DPYSL3: variants seen among roughly 807,000 people sequenced by gnomAD.
DPYSL3 encodes dihydropyrimidinase-related protein 3.
A neutral mutation model predicts 66.1 loss-of-function variants in DPYSL3; 16 were observed. The observed-to-expected ratio is 0.24, with a 90% confidence interval of 0.16 to 0.37. The LOEUF is 0.37. Ranked by LOEUF, DPYSL3 falls within the 10% of genes least tolerant of loss-of-function variation. The pLI is 1.00. For synonymous variants in DPYSL3, 338 were observed against 345.1 expected, an observed-to-expected ratio of 0.98 and a Z score of 0.23; for missense variants, 738 against 916.2, an observed-to-expected ratio of 0.81 and a Z score of 2.51.
At chr5:147,471,156 A>T (rs1289442826) in intron 1 of DPYSL3, among the ~76,000 whole-genome samples, 1 of 152,196 alleles carries the variant, frequency 6.6e-6, no homozygotes, top group Non-Finnish European at 1.5e-5. Context: ...CAAACTGTTG[A>T]AGGCAGAATC....
intron 1 of DPYSL3, among the ~76,000 whole-genome samples, chr5:147,491,378 C>T (rs1050317053): frequency 1.2e-4 from 19 of 152,080 alleles, no homozygotes; most frequent in African/African-American, 4.3e-4. Context: ...ATGGATCCAC[C>T]GCTCAACAAA....
intron 1 of DPYSL3, among the ~76,000 whole-genome samples, chr5:147,461,969 A>G (rs994374154): frequency 2.0e-5 from 3 of 152,154 alleles, no homozygotes; most frequent in Admixed American, 1.3e-4. Flanking sequence ...TAAATCAAAA[A>G]ATTTGTTTTA....
Position 147,397,843 on chromosome 5 carries a change from C to G in DPYSL3, c.1626G>C (p.Ala542=). 1 of 1,599,726 alleles carries G rather than the reference C, an allele frequency of 6.3e-7. No individual in the cohort carries two copies. Residue 542 remains alanine, a splice_region_variant and synonymous_variant, in exon 12 of 14, where the codon GCG becomes GCC. Coordinates refer to ENST00000343218, the MANE Select transcript of DPYSL3 (RefSeq NM_001197294.2). ...TCCCTTCAAAGATGTTGTACTCTGCCGCCTAGAGGCAGGGGTGAGAAGCAA... is the reference window on the plus strand; with the variant it reads ...TCCCTTCAAAGATGTTGTACTCTGCGGCCTAGAGGCAGGGGTGAGAAGCAA... ...KIVSAKNHQS[A]AEYNIFEGME... is the part of the protein sequence containing the mutation.
chr5:147,493,810 C>A (rs903130829), intron 1 of DPYSL3, among the ~76,000 whole-genome samples: 2 of 152,178 alleles, frequency 1.3e-5, no homozygotes, highest in African/African-American at 2.4e-5. Flanking sequence ...AGAATAAAAT[C>A]ATGCAAGCTG....
At chr5:147,466,178 C>T (rs891515923) in intron 1 of DPYSL3, among the ~76,000 whole-genome samples, 4 of 152,174 alleles carry the variant, frequency 2.6e-5, no homozygotes, top group Non-Finnish European at 5.9e-5. Flanking sequence ...ATGTATTCTC[C>T]AATTAGCCAT....
chr5:147,473,981 T>G (rs1753120882), intron 1 of DPYSL3, among the ~76,000 whole-genome samples: 1 of 152,124 alleles, frequency 6.6e-6, no homozygotes, highest in Non-Finnish European at 1.5e-5. Flanking sequence ...TCAATTATTT[T>G]CATAGGTGAA....
At chr5:147,479,901 A>G (rs1448073337) in intron 1 of DPYSL3, among the ~76,000 whole-genome samples, 1 of 152,174 alleles carries the variant, frequency 6.6e-6, no homozygotes, top group East Asian at 1.9e-4. Flanking sequence ...GTGGTGTTTC[A>G]TTTAATCCTC....
intron 13 of DPYSL3, 133 bp downstream of exon 13, chr5:147,395,426 C>A: frequency 9.1e-7 from 1 of 1,098,046 alleles, no homozygotes; most frequent in South Asian, 1.5e-5. Context: ...CAGTAACCTT[C>A]TCCCTAAAGT....
chr5:147,451,766 C>T (rs962540667), intron 1 of DPYSL3, among the ~76,000 whole-genome samples: 1 of 152,224 alleles, frequency 6.6e-6, no homozygotes, highest in Non-Finnish European at 1.5e-5. Flanking sequence ...GTTCAATCTC[C>T]TGAGTTGGGG....
intron 1 of DPYSL3, among the ~76,000 whole-genome samples, chr5:147,498,900 T>C (rs1356263967): frequency 6.6e-6 from 1 of 152,216 alleles, no homozygotes; most frequent in Non-Finnish European, 1.5e-5. Context: ...TAGTTTCTTT[T>C]GCTGTGCAGA....
chr5:147,396,940 A>G (rs1047091532), intron 12 of DPYSL3, among the ~76,000 whole-genome samples: 3 of 128,908 alleles, frequency 2.3e-5, no homozygotes, highest in Non-Finnish European at 4.8e-5. Context: ...ATATGTGAAT[A>G]TATTTATTTA....
Position 147,395,690 on chromosome 5 carries a change from A to T in DPYSL3, c.1835T>A (p.Met612Lys), listed in dbSNP as rs1448991070. 6.2e-7 allele frequency: 1 copy of T among 1,613,960 alleles called. No homozygotes were observed. Among genetic ancestry groups the T allele is most frequent in the Non-Finnish European group, 8.5e-7 (1 of 1,180,038 alleles). ...CAGGTCAAACACAGGCCCATCGTAC[A>T]TGCCCCTTGGGACGGCATGCAGGTC... ...MADLHAVPRG[M>K]YDGPVFDLTT... Residue 612 changes from methionine to lysine, a missense_variant, in exon 13 of 14, where the codon ATG becomes AAG. Physicochemically the swap from Met to Lys is moderately conservative, Grantham distance 95 (BLOSUM62 -1). Coordinates refer to ENST00000343218, the MANE Select transcript of DPYSL3 (RefSeq NM_001197294.2).
intron 3 of DPYSL3, among the ~76,000 whole-genome samples, chr5:147,417,980 C>A (rs1391614272): frequency 6.6e-6 from 1 of 152,180 alleles, no homozygotes; most frequent in Non-Finnish European, 1.5e-5. Context: ...GCTTTACCCA[C>A]TGAAGTTTAC....
intron 1 of DPYSL3, among the ~76,000 whole-genome samples, chr5:147,453,381 T>G (rs1223560077): frequency 6.6e-6 from 1 of 152,150 alleles, no homozygotes; most frequent in African/African-American, 2.4e-5. Context: ...GCTCAGTCTG[T>G]GTGGCGCCGG....
intron 1 of DPYSL3, among the ~76,000 whole-genome samples, chr5:147,431,059 G>C (rs1581190626): frequency 6.6e-6 from 1 of 152,170 alleles, no homozygotes; most frequent in African/African-American, 2.4e-5. Context: ...GAAGGTGCAG[G>C]TGGTTATTTA....
intron 6 of DPYSL3, 36 bp downstream of exon 6, chr5:147,412,572 A>T: frequency 6.3e-7 from 1 of 1,591,024 alleles, no homozygotes; most frequent in African/African-American, 1.3e-5. Context: ...TGGAATGCAG[A>T]CCCAAAGCAC....
chr5:147,468,365 T>C (rs376959442), intron 1 of DPYSL3, among the ~76,000 whole-genome samples: 8 of 152,368 alleles, frequency 5.3e-5, no homozygotes, highest in African/African-American at 1.9e-4. Context: ...TACAATGCAC[T>C]GGATTTGCAA....
At chr5:147,458,718 A>G (rs1490174123) in intron 1 of DPYSL3, among the ~76,000 whole-genome samples, 1 of 152,194 alleles carries the variant, frequency 6.6e-6, no homozygotes, top group Non-Finnish European at 1.5e-5. Context: ...AGCCACTTAC[A>G]GTAGCATATG....
At chr5:147,482,072 C>A (rs1339159285) in intron 1 of DPYSL3, among the ~76,000 whole-genome samples, 1 of 152,110 alleles carries the variant, frequency 6.6e-6, no homozygotes, top group Non-Finnish European at 1.5e-5. Flanking sequence ...AGATTGCTCA[C>A]TAAAAACATA....
Sources: gnomAD v4.1 joint callset for allele counts (sites outside exome capture counted in the v4.1 genomes callset) on GRCh38, gnomAD v4.1.1 for gene constraint, MANE v1.5 for transcripts, NCBI Gene and HGNC (gene_info 2026-07-23, HGNC 2026-07-21) for gene names.